DNHD1: variants seen among roughly 807,000 people sequenced by gnomAD.
The protein encoded by DNHD1 is dynein heavy chain domain 1.
In DNHD1, 383 loss-of-function variants were observed where a neutral mutation model predicts 458.1. The ratio of observed to expected loss-of-function variants is 0.84; its 90% CI spans 0.77 to 0.91. The LOEUF is 0.91. Among genes scored for constraint, DNHD1 ranks in the 40% least tolerant of loss-of-function variants. The probability of loss-of-function intolerance (pLI) is 0.00; values close to 1 mark genes in which losing one functional copy is unlikely to be tolerated. For missense variants in DNHD1, 5,336 were observed against 5,866.1 expected, an observed-to-expected ratio of 0.91 and a Z score of 2.95; for synonymous variants, 2,203 against 2,376.9, an observed-to-expected ratio of 0.93 and a Z score of 2.13.
rs200725582 is a variant in DNHD1, at chr11:6,570,830, C to A, written c.13318C>A (p.Arg4440=). Residue 4440 remains arginine, a synonymous_variant, in exon 42 of 43, where the codon CGG becomes AGG. Transcript: ENST00000254579. ...CGCCCAGCTTGCGGAAAGGCGACTG[C>A]GGCAACGCCTAGTGCAAGTCAACCG... The part of the protein sequence containing the change: ...RGAQLAERRL[R]QRLVQVNRRL... 1.7e-5 allele frequency: 27 copies of A among 1,614,032 alleles called. No homozygotes were observed. The African/African-American group carries it at 2.8e-4, about 17-fold the overall frequency.
chr11:6,512,300 A>G (rs1338974637), intron 7 of DNHD1, among the ~76,000 whole-genome samples: 1 of 135,234 alleles, frequency 7.4e-6, no homozygotes. Flanking sequence ...GGCTCACTGC[A>G]AGCTCTGCCT....
rs184970071 is a variant in DNHD1, at chr11:6,558,528, A to G, written c.9046A>G (p.Ile3016Val). The G allele has an allele frequency of 1.3e-6, 2 of 1,551,662 alleles. No individual in the cohort carries two copies. The highest frequency in any genetic ancestry group is 3.9e-5 in the Admixed American group (2 of 51,006). ...VCSHLHLFFL[I>V]GDKQAHKQLP... is the part of the protein sequence containing the mutation. ...CAGCCACCTTCACCTGTTCTTCCTGATTGGAGATAAACAGGCCCACAAGCA... is the reference window on the plus strand; with the variant it reads ...CAGCCACCTTCACCTGTTCTTCCTGGTTGGAGATAAACAGGCCCACAAGCA... The change falls in exon 26 of 43, where the codon ATT (isoleucine) becomes GTT (valine). Residue 3016 changes from isoleucine (I) to valine (V), a missense_variant. Ile to Val is a conservative substitution (Grantham distance 29, BLOSUM62 3). Transcript: ENST00000254579.
rs1436361165 is a variant in DNHD1 at position 6,564,358 on chromosome 11, T to C, written c.10310T>C (p.Val3437Ala). The C allele has an allele frequency of 7.3e-5, 113 of 1,546,740 alleles. No individual in the cohort carries two copies. The highest frequency in any genetic ancestry group is 9.6e-5 in the Non-Finnish European group (110 of 1,143,432). ...AAGCTGAAGGGACGCTGCATGACTG[T>C]GTTTGGAGATACCCTCCTATGTTCA... ...LQKLKGRCMTVFGDTLLCSAA... is the reference protein window; with the variant it reads ...LQKLKGRCMTAFGDTLLCSAA... Residue 3437 changes from valine (V) to alanine (A), a missense_variant, in exon 32 of 43, where the codon GTG (valine) becomes GCG (alanine). This residue lies in a region of DNHD1 where 3,932 missense variants were observed against 4,365.6 expected (regional missense o/e 0.90). Transcript: ENST00000254579.
rs949931800 is a variant in DNHD1 at position 6,512,314 on chromosome 11, G to A, written c.1392+885G>A. Among the ~76,000 whole-genome samples the A allele has an allele frequency of 5.7e-5, 8 of 139,942 alleles. 1 individual carries two copies. Among genetic ancestry groups the A allele is most frequent in the East Asian group, 2.3e-4 (1 of 4,410 alleles). The allele number at this position is 139,942 out of a possible 152,430, so 91.8% of individuals were successfully genotyped here. Reference sequence around the variant, plus strand: ...CGGCTCACTGCAAGCTCTGCCTTCCGGGTTCACGCCATTCTCCTGCCTCAG... The same window carrying A: ...CGGCTCACTGCAAGCTCTGCCTTCCAGGTTCACGCCATTCTCCTGCCTCAG... On this transcript the variant is annotated intron_variant, in intron 7 of 42. Coordinates refer to ENST00000254579, the MANE Select transcript of DNHD1 (RefSeq NM_144666.3).
rs752666458 is a variant in DNHD1, at chr11:6,568,585, C to A, written c.12661+9C>A. On this transcript the variant is annotated intron_variant, in intron 38 of 42. Coordinates refer to ENST00000254579, the MANE Select transcript of DNHD1 (RefSeq NM_144666.3). ...TAGTGCTTCTTTGCCAGGTGAGGAG[C>A]TTAACCCCCTACAGGCTCTCAAATT... 1 of 1,613,848 alleles carries A rather than the reference C, an allele frequency of 6.2e-7. No individual in the cohort carries two copies. Among genetic ancestry groups the A allele is most frequent in the Non-Finnish European group, 8.5e-7 (1 of 1,179,902 alleles).
intron 7 of DNHD1, among the ~76,000 whole-genome samples, chr11:6,511,663 G>T (rs983509947): frequency 6.6e-6 from 1 of 152,168 alleles, no homozygotes; most frequent in Admixed American, 6.5e-5. Flanking sequence ...CTTGACCTAG[G>T]AGCAGGGAGG....
intron 10 of DNHD1, among the ~76,000 whole-genome samples, chr11:6,521,924 C>A (rs1220204994): frequency 6.6e-6 from 1 of 152,022 alleles, no homozygotes; most frequent in Non-Finnish European, 1.5e-5. Flanking sequence ...GCTATGTTGC[C>A]GAGGCTGGTC....
rs925886708 is a variant in DNHD1, at chr11:6,508,868, C to CT, written c.921-5dup. On this transcript the variant is annotated splice_polypyrimidine_tract_variant and intron_variant, in intron 4 of 42. Coordinates refer to ENST00000254579, the MANE Select transcript of DNHD1 (RefSeq NM_144666.3). ...CCCAGGGCCTTCACTGATCAGAGCT[C>CT]TTTTTTTAAAGGCCTTACAGCCTGA... The CT allele has an allele frequency of 9.3e-6, 15 of 1,613,660 alleles. No individual in the cohort carries two copies. The highest frequency in any genetic ancestry group is 8.3e-5 in the Admixed American group (5 of 59,974).
chr11:6,523,384 G>A (rs953897778), intron 10 of DNHD1, among the ~76,000 whole-genome samples: 1 of 152,112 alleles, frequency 6.6e-6, no homozygotes, highest in Non-Finnish European at 1.5e-5. Flanking sequence ...TAGATTTATA[G>A]ATGAGAGAGA....
At position 6,555,042 on chromosome 11, in the gene DNHD1, C is replaced by T. The variant is rs1436871803; in HGVS notation, c.7388-1641C>T. 5.9e-5 allele frequency among the ~76,000 whole-genome samples: 9 copies of T among 152,174 alleles called. 1 individual carries two copies. The highest frequency in any genetic ancestry group is 9.7e-5 in the African/African-American group (4 of 41,442). On this transcript the variant is annotated intron_variant, in intron 24 of 42. Transcript: ENST00000254579. The stretch of plus-strand genomic sequence containing the variant: ...GTGGCAAGAGATAAGAGTTTAGAAG[C>T]GCCTCTCCCACCCAGCAGACTAGCT...
chr11:6,562,552 G>C (rs1853606780), intron 28 of DNHD1, among the ~76,000 whole-genome samples: 1 of 152,082 alleles, frequency 6.6e-6, no homozygotes. Flanking sequence ...GAATAGTTAA[G>C]GGCTGACAGA....
intron 4 of DNHD1, 95 bp from the exon 5 acceptor site, chr11:6,508,785 C>T: frequency 8.8e-7 from 1 of 1,136,412 alleles, no homozygotes; most frequent in South Asian, 1.4e-5. Flanking sequence ...GCCTGCCTTC[C>T]TGTTCCCCTT....
chr11:6,498,124 G>A lies in DNHD1; in HGVS notation c.-92G>A. On this transcript the variant is annotated 5_prime_UTR_variant, in exon 3 of 43. The change creates a new upstream start codon in the 5' untranslated region. Coordinates refer to ENST00000254579, the MANE Select transcript of DNHD1 (RefSeq NM_144666.3). Reference sequence around the variant, plus strand: ...CCCTCTGCTGGGCTGGCCCATGCAGGTGAGGCCCCGCATCTGGCATCCTGG... The same window carrying A: ...CCCTCTGCTGGGCTGGCCCATGCAGATGAGGCCCCGCATCTGGCATCCTGG... 1 of 1,544,076 alleles carries A rather than the reference G, an allele frequency of 6.5e-7. No individual in the cohort carries two copies. The highest frequency in any genetic ancestry group is 2.3e-5 in the East Asian group (1 of 44,382).
rs1852766247 is a variant in DNHD1, at chr11:6,528,717, A to G, written c.2033A>G (p.Gln678Arg). The G allele has an allele frequency of 6.4e-7, 1 of 1,551,622 alleles. No homozygotes were observed. Among genetic ancestry groups the G allele is most frequent in the African/African-American group, 1.4e-5 (1 of 73,056 alleles). The change falls in exon 11 of 43, where the codon CAG becomes CGG. Residue 678 changes from glutamine (Q) to arginine (R), a missense_variant. This residue lies in a region of DNHD1 where 3,932 missense variants were observed against 4,365.6 expected (regional missense o/e 0.90). Transcript: ENST00000254579. ...RGQYFPHNYK[Q>R]LEEDLDNNPK... ...CAATACTTCCCCCACAATTATAAGC[A>G]GCTGGAGGAAGACCTGGACAACAAC... is the stretch of plus-strand genomic sequence containing the variant.
Position 6,548,423 on chromosome 11 carries a change from G to C in DNHD1, c.7098+21G>C. ...TCCAGGTGTGAGGACAGTAAGGCAA[G>C]AGCTGGGGTTAGAACTTCAGGACTT... On this transcript the variant is annotated intron_variant, in intron 23 of 42. Transcript: ENST00000254579. This position sits in a 1 kb window ranked among gnomAD's most constrained non-coding sequence, Gnocchi z 4.4. The C allele has an allele frequency of 1.3e-6, 2 of 1,549,616 alleles. No homozygotes were observed. The highest frequency in any genetic ancestry group is 2.0e-5 in the Admixed American group (1 of 50,778).
intron 40 of DNHD1, 44 bp downstream of exon 40, chr11:6,570,144 G>A (rs1450536260): frequency 2.5e-6 from 4 of 1,613,170 alleles, no homozygotes; most frequent in Non-Finnish European, 2.5e-6. Flanking sequence ...GCCCCCAGGA[G>A]AGCCTGGAAG....
At chr11:6,514,487 C>T (rs1226676238) in intron 7 of DNHD1, among the ~76,000 whole-genome samples, 1 of 149,030 alleles carries the variant, frequency 6.7e-6, no homozygotes, top group Non-Finnish European at 1.5e-5. Context: ...CCTTTCCTTT[C>T]CTTTCCTTTC....
At position 6,571,051 on chromosome 11, in the gene DNHD1, AC is replaced by A. The variant is rs1217082814; in HGVS notation, c.13544del (p.Pro4515ArgfsTer115). On this transcript the variant is annotated frameshift_variant, in exon 42 of 43. Transcript: ENST00000254579. LOFTEE classifies it high-confidence loss of function. The surrounding 1 kb of genome is among the most constrained non-coding windows in gnomAD (Gnocchi z 5.0). ...DCLLQQLKGA[P>X]PCPSRRCAAV... ...GCCTGTTGCAGCAGCTGAAGGGCGC[AC>A]CCCCGTGCCCCTCCCGCCGCTGTGC... 1.9e-6 allele frequency: 3 copies of A among 1,556,560 alleles called. No individual in the cohort carries two copies. The highest frequency in any genetic ancestry group is 2.7e-5 in the African/African-American group (2 of 73,854).
chr11:6,511,471 G>C, intron 7 of DNHD1, 42 bp downstream of exon 7: 2 of 1,602,498 alleles, frequency 1.2e-6, no homozygotes, highest in Non-Finnish European at 1.7e-6. Flanking sequence ...TCCCCAAGTT[G>C]AGCTCCCCAG....
Sources: allele counts gnomAD v4.1 joint callset (sites outside exome capture counted in the v4.1 genomes callset), GRCh38; gene constraint gnomAD v4.1.1; regional missense constraint gnomAD v4.1.1; non-coding constraint Gnocchi (gnomAD v3.1); transcripts MANE v1.5; gene names NCBI Gene and HGNC (gene_info 2026-07-23, HGNC 2026-07-21).